The following KIF1B variants were observed in gnomAD, a reference collection of about 807,000 sequenced individuals.
KIF1B encodes kinesin-like protein KIF1B.
KIF1B carries 76 observed loss-of-function variants against 241.9 expected under a neutral mutation model. That is an observed-to-expected ratio of 0.31 (90% CI 0.26 to 0.38). The LOEUF is 0.38. Ranked by LOEUF, KIF1B falls within the 10% of genes least tolerant of loss-of-function variation. The pLI is 1.00. For synonymous variants in KIF1B, 750 were observed against 796.7 expected (o/e 0.94, Z 0.99); for missense variants, 1,622 against 2,271.4 (o/e 0.71, Z 5.81).
intron 1 of KIF1B, among the ~76,000 whole-genome samples, chr1:10,220,745 C>T (rs1037800754): frequency 1.3e-5 from 2 of 152,142 alleles, no homozygotes; most frequent in Non-Finnish European, 2.9e-5. Flanking sequence ...TCACTGCAAC[C>T]TCCGCCTCCC....
chr1:10,339,634 A>G, intron 31 of KIF1B, 135 bp from the exon 32 acceptor site: 1 of 762,082 alleles, frequency 1.3e-6, no homozygotes, highest in Non-Finnish European at 2.2e-6. Flanking sequence ...GTTCTTGACA[A>G]GGAAAGTAAA....
In KIF1B at chr1:10,252,228, C is replaced by T. The variant is rs192075060; in HGVS notation, c.107-4019C>T. 2.0e-4 allele frequency among the ~76,000 whole-genome samples: 30 copies of T among 151,862 alleles called. No homozygotes were observed. In the East Asian group the frequency reaches 2.5e-3, roughly 13 times the overall value. ...CTAACTTTTGTATTTTTTGTAGAGA[C>T]GGGGTTTCACCACGTTGGCCAGGCT... is the stretch of plus-strand genomic sequence containing the variant. On this transcript the variant is annotated intron_variant, in intron 2 of 48. Coordinates refer to ENST00000676179, the MANE Select transcript of KIF1B (RefSeq NM_001365951.3).
At position 10,365,735 on chromosome 1, in the gene KIF1B, T is replaced by G. The variant is rs1638553442; in HGVS notation, c.4752+87T>G. The G allele has an allele frequency of 2.6e-6, 4 of 1,563,872 alleles. No individual in the cohort carries two copies. Among genetic ancestry groups the G allele is most frequent in the Non-Finnish European group, 3.5e-6 (4 of 1,143,738 alleles). On this transcript the variant is annotated intron_variant, in intron 43 of 48. Coordinates refer to ENST00000676179, the MANE Select transcript of KIF1B (RefSeq NM_001365951.3). The surrounding 1 kb of genome is among the most constrained non-coding windows in gnomAD (Gnocchi z 4.0). ...GTTTATTCATTTTCAACACCTTTGT[T>G]CGAGGTGTTTGAAGGCCTGTGATAA...
Position 10,348,633 on chromosome 1 carries a change from C to T in KIF1B, c.3865-16C>T, listed in dbSNP as rs547580106. 17 of 1,609,316 alleles carry T rather than the reference C, an allele frequency of 1.1e-5. No homozygotes were observed. The African/African-American group carries it at 1.5e-4, about 14-fold the overall frequency. On this transcript the variant is annotated splice_polypyrimidine_tract_variant and intron_variant, in intron 36 of 48. Coordinates refer to ENST00000676179, the MANE Select transcript of KIF1B (RefSeq NM_001365951.3). ...AGATTGCTTCAGCTAAATTGCAACC[C>T]TGCTTCATTACCTAGGGCATCCAGC... is the stretch of plus-strand genomic sequence containing the variant.
intron 22 of KIF1B, among the ~76,000 whole-genome samples, chr1:10,314,451 G>A (rs1175557786): frequency 1.3e-5 from 2 of 151,116 alleles, no homozygotes; most frequent in Non-Finnish European, 2.9e-5. Context: ...ATGGGGTCTC[G>A]CTGTGTCCTC....
intron 15 of KIF1B, among the ~76,000 whole-genome samples, chr1:10,288,973 G>T (rs1048836968): frequency 7.9e-5 from 12 of 151,746 alleles, no homozygotes; most frequent in African/African-American, 2.9e-4. Flanking sequence ...TTTACGTTTT[G>T]GGGTCACAGG....
At chr1:10,222,751 G>T (rs889910966) in intron 1 of KIF1B, among the ~76,000 whole-genome samples, 1 of 152,112 alleles carries the variant, frequency 6.6e-6, no homozygotes, top group Admixed American at 6.6e-5. Flanking sequence ...AATGCTTCTG[G>T]AATTTTTGCT....
chr1:10,233,112 T>C (rs986988513), intron 2 of KIF1B, among the ~76,000 whole-genome samples: 5 of 152,228 alleles, frequency 3.3e-5, no homozygotes, highest in Admixed American at 1.3e-4. Flanking sequence ...AAGTTACTGC[T>C]GAAGTACACA....
chr1:10,343,766 TATAAA>T (rs1384625617), intron 34 of KIF1B, among the ~76,000 whole-genome samples: 3 of 151,686 alleles, frequency 2.0e-5, no homozygotes, highest in Non-Finnish European at 2.9e-5. Context: ...CTCAAAACAA[TATAAA>T]ATAAAATAAA....
chr1:10,301,207 C>T, intron 22 of KIF1B, among the ~76,000 whole-genome samples: 1 of 152,096 alleles, frequency 6.6e-6, no homozygotes, highest in Non-Finnish European at 1.5e-5. Flanking sequence ...AGGCAAGGTA[C>T]TATTTATCAG....
At chr1:10,375,404 T>G (rs751036182) in intron 48 of KIF1B, 31 bp downstream of exon 48, 14 of 1,562,406 alleles carry the variant, frequency 9.0e-6, no homozygotes, top group South Asian at 1.1e-5. Flanking sequence ...TGTTGTTGTT[T>G]TTGAGACGGA....
At chr1:10,283,063 C>G (rs971196880) in intron 15 of KIF1B, among the ~76,000 whole-genome samples, 1 of 151,080 alleles carries the variant, frequency 6.6e-6, no homozygotes, top group African/African-American at 2.4e-5. Context: ...AAAAATTAGC[C>G]GGGCGTGGTG....
intron 27 of KIF1B, among the ~76,000 whole-genome samples, chr1:10,327,929 G>T (rs569650597): frequency 1.3e-5 from 2 of 152,160 alleles, no homozygotes; most frequent in Non-Finnish European, 2.9e-5. Context: ...ATCTCACCAG[G>T]TGCAGTGGCT....
chr1:10,276,265 A>T lies in KIF1B; in HGVS notation c.959-56A>T. On this transcript the variant is annotated intron_variant, in intron 11 of 48. Transcript: ENST00000676179. ...TACAATATCAGATTTGACACATTCC[A>T]TAAAATTTTTCTTCTAAAATGAGTG... The T allele has an allele frequency of 2.6e-6, 3 of 1,139,580 alleles. No individual in the cohort carries two copies. In the Admixed American group the frequency reaches 5.2e-5, roughly 20 times the overall value. The allele number at this position is 1,139,580 out of a possible 1,614,324, so 70.6% of individuals were successfully genotyped here.
At chr1:10,253,877 C>T (rs527650808) in intron 2 of KIF1B, among the ~76,000 whole-genome samples, 3 of 152,300 alleles carry the variant, frequency 2.0e-5, no homozygotes. Flanking sequence ...GAGGTTGGAA[C>T]ATAAATGCGT....
Position 10,376,902 on chromosome 1 carries a change from C to G in KIF1B, c.*315C>G. ...AAAAACACAAAAACTCTGAGGGGATCTGGTGAATCTCCAAATTATTGTGGG... is the reference window on the plus strand; with the variant it reads ...AAAAACACAAAAACTCTGAGGGGATGTGGTGAATCTCCAAATTATTGTGGG... On this transcript the variant is annotated 3_prime_UTR_variant, in exon 49 of 49. Transcript: ENST00000676179. 1 of 424,596 alleles carries G rather than the reference C, an allele frequency of 2.4e-6. No homozygotes were observed. The highest frequency in any genetic ancestry group is 2.4e-5 in the South Asian group (1 of 41,128). The allele number at this position is 424,596 out of a possible 1,614,324, so 26.3% of individuals were successfully genotyped here. A position where few individuals can be genotyped will look rare whatever the true frequency, so the allele number is the denominator to read the frequency against.
At chr1:10,304,456 C>T in intron 22 of KIF1B, 3 of 1,610,816 alleles carry the variant, frequency 1.9e-6, no homozygotes, top group Middle Eastern at 1.7e-4. Flanking sequence ...CCAGGCAAAG[C>T]GCCATATTCA....
At position 10,268,265 on chromosome 1, in the gene KIF1B, T is replaced by C; in HGVS notation, c.720+2T>C. On this transcript the variant is annotated splice_donor_variant, in intron 7 of 48. Transcript: ENST00000676179. LOFTEE classifies it high-confidence loss of function. ...GAGACCAACCTTTCCACTGAGAAGG[T>C]AGGAGAGTTTCAGTCTCTAGGCTTG... 6.3e-7 allele frequency: 1 copy of C among 1,582,186 alleles called. No homozygotes were observed. The highest frequency in any genetic ancestry group is 8.7e-7 in the Non-Finnish European group (1 of 1,151,064).
At chr1:10,261,855 G>A (rs1485740841) in intron 4 of KIF1B, 50 bp from the exon 5 acceptor site, 1 of 1,183,552 alleles carries the variant, frequency 8.4e-7, no homozygotes, top group Non-Finnish European at 1.3e-6. Flanking sequence ...GGATGACTTA[G>A]TACTCCTCTC....
Sources: gnomAD v4.1 joint callset for allele counts (sites outside exome capture counted in the v4.1 genomes callset) on GRCh38, gnomAD v4.1.1 for gene constraint, Gnocchi (gnomAD v3.1) non-coding constraint, MANE v1.5 for transcripts, NCBI Gene and HGNC (gene_info 2026-07-23, HGNC 2026-07-21) for gene names.